FGF14: variants seen among roughly 807,000 people sequenced by gnomAD.
The protein encoded by FGF14 is fibroblast growth factor 14.
A neutral mutation model predicts 25.5 loss-of-function variants in FGF14; 5 were observed. The ratio of observed to expected loss-of-function variants is 0.20; its 90% CI spans 0.10 to 0.41. The LOEUF (loss-of-function observed/expected upper bound fraction) is 0.41, where lower values mean the gene tolerates loss of function less well. FGF14 is among the 10% of genes least tolerant of loss of function. The pLI is 1.00. For synonymous variants in FGF14, 138 were observed against 118.3 expected (o/e 1.17, Z -1.08); for missense variants, 222 against 320.1 (o/e 0.69, Z 2.34).
At chr13:102,158,672 A>T (rs907812563) in intron 1 of FGF14, among the ~76,000 whole-genome samples, 24 of 149,982 alleles carry the variant, frequency 1.6e-4, no homozygotes, top group Non-Finnish European at 3.1e-4. Context: ...AAGTATAATA[A>T]AAAAAAAAAT....
chr13:102,058,322 C>CA (rs1414697702), intron 1 of FGF14, among the ~76,000 whole-genome samples: 2 of 152,196 alleles, frequency 1.3e-5, no homozygotes, highest in Non-Finnish European at 2.9e-5. Flanking sequence ...AAAATCTAAA[C>CA]ACATTCTCCC....
At chr13:101,853,732 A>G (rs945565620) in intron 3 of FGF14, among the ~76,000 whole-genome samples, 7 of 152,216 alleles carry the variant, frequency 4.6e-5, no homozygotes, top group African/African-American at 1.4e-4. Context: ...CTGGGATTAC[A>G]GGTGTGAGCC....
At chr13:102,178,357 T>G (rs2048530394) in intron 1 of FGF14, among the ~76,000 whole-genome samples, 1 of 152,180 alleles carries the variant, frequency 6.6e-6, no homozygotes, top group South Asian at 2.1e-4. Flanking sequence ...ATCACCTAGA[T>G]CTCTAATATA....
intron 1 of FGF14, among the ~76,000 whole-genome samples, chr13:101,878,780 T>C (rs866424001): frequency 1.3e-5 from 2 of 152,060 alleles, no homozygotes; most frequent in African/African-American, 4.8e-5. Flanking sequence ...TAAATGCACA[T>C]ACCTTCAGAT....
chr13:102,262,511 T>A (rs2052767909), intron 1 of FGF14, among the ~76,000 whole-genome samples: 1 of 152,204 alleles, frequency 6.6e-6, no homozygotes, highest in Non-Finnish European at 1.5e-5. Flanking sequence ...ATTGTTTATT[T>A]TAAAAAGTCT....
intron 1 of FGF14, among the ~76,000 whole-genome samples, chr13:102,262,137 T>C (rs1202699150): frequency 2.0e-5 from 3 of 152,166 alleles, no homozygotes; most frequent in Non-Finnish European, 4.4e-5. Context: ...CTTTTTTTCA[T>C]GGATACAGCA....
chr13:102,254,070 C>T (rs929985929), intron 1 of FGF14, among the ~76,000 whole-genome samples: 1 of 152,178 alleles, frequency 6.6e-6, no homozygotes, highest in African/African-American at 2.4e-5. Context: ...AGTAAGGTTT[C>T]CACCCCAGCA....
chr13:101,755,188 C>T (rs1000496308), intron 3 of FGF14, among the ~76,000 whole-genome samples: 1 of 152,122 alleles, frequency 6.6e-6, no homozygotes, highest in Non-Finnish European at 1.5e-5. Context: ...TCTAGAAATA[C>T]TTAGAATAGC....
chr13:102,276,769 T>C (rs957453319), intron 1 of FGF14, among the ~76,000 whole-genome samples: 1 of 152,184 alleles, frequency 6.6e-6, no homozygotes, highest in Admixed American at 6.5e-5. Flanking sequence ...AGGAATGATA[T>C]GTTTAGTTAC....
chr13:102,188,910 C>T (rs746797372), intron 1 of FGF14, among the ~76,000 whole-genome samples: 6 of 145,142 alleles, frequency 4.1e-5, no homozygotes, highest in Non-Finnish European at 1.5e-5. Flanking sequence ...CACTGCACTC[C>T]AGCCTGAGTG....
chr13:101,910,429 G>A (rs1010562555), intron 1 of FGF14, among the ~76,000 whole-genome samples: 1 of 152,100 alleles, frequency 6.6e-6, no homozygotes, highest in Non-Finnish European at 1.5e-5. Context: ...TGTATGCCAG[G>A]CACTGGTGAG....
rs1342526737 is a variant in FGF14, at chr13:102,352,287, A to C, written c.208+49184T>G. On this transcript the variant is annotated intron_variant, in intron 1 of 4. Transcript: ENST00000376131. ...CACACACACACACACACACACACAC[A>C]CACCTGCAACATTCATTTGAAAATT... 2.8e-5 allele frequency among the ~76,000 whole-genome samples: 4 copies of C among 140,972 alleles called. 1 individual carries two copies. The allele number at this position is 140,972 out of a possible 152,430, so 92.5% of individuals were successfully genotyped here.
chr13:102,241,223 T>A (rs1279166149), intron 1 of FGF14, among the ~76,000 whole-genome samples: 1 of 152,098 alleles, frequency 6.6e-6, no homozygotes. Context: ...GCAATAGCAA[T>A]CCAATTCCTG....
intron 3 of FGF14, among the ~76,000 whole-genome samples, chr13:101,819,229 C>T (rs1453569310): frequency 3.3e-5 from 5 of 151,750 alleles, no homozygotes; most frequent in African/African-American, 1.2e-4. Context: ...TAATTTGTGA[C>T]AAATTAAATC....
At chr13:102,357,328 G>A (rs1438733365) in intron 1 of FGF14, among the ~76,000 whole-genome samples, 1 of 152,046 alleles carries the variant, frequency 6.6e-6, no homozygotes, top group Admixed American at 6.6e-5. Context: ...TTTCTGAAGT[G>A]GGGCCCAGAG....
intron 1 of FGF14, among the ~76,000 whole-genome samples, chr13:101,995,191 C>T (rs2039117039): frequency 6.6e-6 from 1 of 151,972 alleles, no homozygotes; most frequent in Admixed American, 6.6e-5. Context: ...CATTGAAAGT[C>T]TCATTTTTGT....
rs200144731 is a variant in FGF14 at position 102,278,647 on chromosome 13, C to T, written c.208+122824G>A. On this transcript the variant is annotated intron_variant, in intron 1 of 4. Transcript: ENST00000376131. ...TATGTAATATATATATATATATATACATACACACACATACACACACACATA... is the reference window on the plus strand; with the variant it reads ...TATGTAATATATATATATATATATATATACACACACATACACACACACATA... 2.4e-3 allele frequency among the ~76,000 whole-genome samples: 292 copies of T among 122,674 alleles called. 1 individual carries two copies. The highest frequency in any genetic ancestry group is 8.4e-3 in the African/African-American group (267 of 31,708). The allele number at this position is 122,674 out of a possible 152,430, so 80.5% of individuals were successfully genotyped here.
At chr13:101,864,473 T>C (rs2044588714) in intron 3 of FGF14, among the ~76,000 whole-genome samples, 2 of 152,032 alleles carry the variant, frequency 1.3e-5, no homozygotes, top group South Asian at 4.2e-4. Context: ...TGAGGGAGGG[T>C]GACCCTTACA....
At chr13:102,393,380 G>A (rs553792860) in intron 1 of FGF14, among the ~76,000 whole-genome samples, 27 of 152,158 alleles carry the variant, frequency 1.8e-4, no homozygotes, top group African/African-American at 6.5e-4. Context: ...GTTTTTTTGA[G>A]ATTGTAGTTA....
Sources: gnomAD v4.1 joint callset for allele counts (sites outside exome capture counted in the v4.1 genomes callset) on GRCh38, gnomAD v4.1.1 for gene constraint, MANE v1.5 for transcripts, NCBI Gene and HGNC (gene_info 2026-07-23, HGNC 2026-07-21) for gene names.